The following PPL variants were observed in gnomAD, a reference collection of about 807,000 sequenced individuals.
PPL encodes the protein periplakin, also known as 190 kDa paraneoplastic pemphigus antigen.
Under a neutral mutation model 194.4 loss-of-function variants are expected in PPL, and 198 were observed. The observed-to-expected ratio is 1.02, with a 90% CI of 0.91 to 1.15. The LOEUF is 1.15. PPL is among the 50% of genes most tolerant of loss of function. The pLI, the probability that PPL is intolerant of heterozygous loss-of-function variation, is 0.00. For synonymous variants in PPL, 1,220 were observed against 972.4 expected (o/e 1.25, Z -4.74); for missense variants, 2,885 against 2,294.8 (o/e 1.26, Z -5.25).
intron 16 of PPL, chr16:4,891,542 T>A (rs559835886): frequency 1.2e-4 from 44 of 364,058 alleles, no homozygotes; most frequent in Middle Eastern, 1.4e-3. Context: ...GCCTCCTGAA[T>A]GGCTGGTGTT....
chr16:4,893,725 G>A, intron 12 of PPL, 87 bp from the exon 13 acceptor site: 1 of 1,159,818 alleles, frequency 8.6e-7, no homozygotes, highest in Non-Finnish European at 1.2e-6. Context: ...TGGCTGGGCA[G>A]ACACCCCAGA....
In PPL at chr16:4,888,232, A is replaced by G. The variant is rs755934910; in HGVS notation, c.2398-14T>C. ...TAACTCATAGTCCTGCATGAGGGAG[A>G]GACATGGCAGAGGGGAGATTAAAAC... On this transcript the variant is annotated splice_polypyrimidine_tract_variant and intron_variant, in intron 19 of 21. Coordinates refer to ENST00000345988, the MANE Select transcript of PPL (RefSeq NM_002705.5). The G allele has an allele frequency of 5.2e-6, 8 of 1,551,600 alleles. No individual in the cohort carries two copies. Among genetic ancestry groups the G allele is most frequent in the African/African-American group, 1.4e-5 (1 of 73,798 alleles).
intron 1 of PPL, among the ~76,000 whole-genome samples, chr16:4,927,870 C>G (rs1032749537): frequency 2.0e-5 from 3 of 152,202 alleles, no homozygotes; most frequent in Non-Finnish European, 4.4e-5. Context: ...GAAGTTCAAG[C>G]TGCTTCAGGT....
In PPL at chr16:4,883,851, C is replaced by G; in HGVS notation, c.4804G>C (p.Ala1602Pro). ...GAGTCATGGTTGGTCCCAGAGTCCGCCACGGTCATGTTCCGCAGGTCTCGT... is the reference window on the plus strand; with the variant it reads ...GAGTCATGGTTGGTCCCAGAGTCCGGCACGGTCATGTTCCGCAGGTCTCGT... ...ETRDLRNMTV[A>P]DSGTNHDSRL... Residue 1602 changes from alanine (A) to proline (P), a missense_variant, in exon 22 of 22, where the codon GCG becomes CCG. Transcript: ENST00000345988. The surrounding 1 kb of genome is among the most constrained non-coding windows in gnomAD (Gnocchi z 4.8). The G allele has an allele frequency of 5.0e-6, 8 of 1,614,082 alleles. No homozygotes were observed. The highest frequency in any genetic ancestry group is 6.8e-6 in the Non-Finnish European group (8 of 1,180,040).
rs779528908 is a variant in PPL at position 4,899,069 on chromosome 16, G to A, written c.820C>T (p.His274Tyr). The change falls in exon 8 of 22, where the codon CAC becomes TAC. Residue 274 changes from histidine (H) to tyrosine (Y), a missense_variant. Transcript: ENST00000345988. Reference sequence around the variant, plus strand: ...GCCAGCAGCTGGTCGCCCTCGCTGTGCAGTTTGTTGATTCTCTCCTCTTTG... The same window carrying A: ...GCCAGCAGCTGGTCGCCCTCGCTGTACAGTTTGTTGATTCTCTCCTCTTTG... ...EAKEERINKL[H>Y]SEGDQLLAAE... The A allele has an allele frequency of 1.2e-6, 2 of 1,613,302 alleles. No homozygotes were observed. The highest frequency in any genetic ancestry group is 1.7e-5 in the Admixed American group (1 of 60,016).
At chr16:4,892,925 G>A (rs536186316) in intron 14 of PPL, 10 of 365,116 alleles carry the variant, frequency 2.7e-5, no homozygotes, top group African/African-American at 1.7e-4. Flanking sequence ...CAAGCCAGCC[G>A]GTGACCCAGT....
At chr16:4,916,487 C>T (rs981854919) in intron 1 of PPL, among the ~76,000 whole-genome samples, 2 of 151,682 alleles carry the variant, frequency 1.3e-5, no homozygotes, top group African/African-American at 4.8e-5. Flanking sequence ...GCTGGGATTA[C>T]AGGTGTGAGC....
intron 2 of PPL, 49 bp downstream of exon 2, chr16:4,910,801 G>T: frequency 6.8e-7 from 1 of 1,477,212 alleles, no homozygotes; most frequent in Non-Finnish European, 9.5e-7. Flanking sequence ...TCCTGAACAG[G>T]GCTGGCAGCA....
intron 1 of PPL, among the ~76,000 whole-genome samples, chr16:4,924,668 G>A (rs2089122621): frequency 6.6e-6 from 1 of 152,106 alleles, no homozygotes; most frequent in South Asian, 2.1e-4. Flanking sequence ...GCTCCCCACT[G>A]TGCCCACTGG....
Position 4,893,317 on chromosome 16 carries a change from T to C in PPL, c.1546A>G (p.Ser516Gly). ...QLLAGLDKVA[S>G]DLDRQEKAIT... ...GCCTTCTCCTGCCGGTCCAGGTCGCTGGCCACCTTGTCCAAGCCAGCCAGC... is the reference window on the plus strand; with the variant it reads ...GCCTTCTCCTGCCGGTCCAGGTCGCCGGCCACCTTGTCCAAGCCAGCCAGC... The change falls in exon 14 of 22, where the codon AGC becomes GGC. Residue 516 changes from serine to glycine, a missense_variant. Coordinates refer to ENST00000345988, the MANE Select transcript of PPL (RefSeq NM_002705.5). 1 of 1,608,346 alleles carries C rather than the reference T, an allele frequency of 6.2e-7. No homozygotes were observed. The highest frequency in any genetic ancestry group is 1.1e-5 in the South Asian group (1 of 90,778).
Position 4,884,118 on chromosome 16 carries a change from C to A in PPL, c.4537G>T (p.Glu1513Ter). Residue 1513 changes from glutamate to a stop codon, truncating the protein, a stop_gained, in exon 22 of 22, where the codon GAG (glutamate) becomes TAG (stop). Coordinates refer to ENST00000345988, the MANE Select transcript of PPL (RefSeq NM_002705.5). LOFTEE classifies it high-confidence loss of function. The surrounding 1 kb of genome is among the most constrained non-coding windows in gnomAD (Gnocchi z 5.7). ...ESVQVEKGDT[E>*]QEIQRLKSSL... ...CTCTTGAGCCTCTGGATCTCTTGCT[C>A]GGTGTCGCCCTTCTCCACCTGGACA... 10 of 1,613,430 alleles carry A rather than the reference C, an allele frequency of 6.2e-6. No homozygotes were observed. Among genetic ancestry groups the A allele is most frequent in the South Asian group, 1.1e-5 (1 of 91,068 alleles).
rs545647606 is a variant in PPL, at chr16:4,909,513, G to A, written c.162+1337C>T. On this transcript the variant is annotated intron_variant, in intron 2 of 21. Coordinates refer to ENST00000345988, the MANE Select transcript of PPL (RefSeq NM_002705.5). ...ACGATCTTGGCTCACTGCAACCTCC[G>A]CCTCCCGGGTTCAAGCGATTCTCCT... 1.2e-4 allele frequency among the ~76,000 whole-genome samples: 17 copies of A among 141,724 alleles called. No homozygotes were observed. The East Asian group carries it at 3.3e-3, about 27-fold the overall frequency. The allele number at this position is 141,724 out of a possible 152,430, so 93.0% of individuals were successfully genotyped here.
intron 1 of PPL, among the ~76,000 whole-genome samples, chr16:4,932,826 C>T (rs993448268): frequency 1.3e-5 from 2 of 152,094 alleles, no homozygotes; most frequent in Non-Finnish European, 2.9e-5. Context: ...TGCATCCCCT[C>T]ATTTGATCTA....
intron 6 of PPL, 81 bp downstream of exon 6, chr16:4,900,749 C>T: frequency 1.3e-6 from 2 of 1,586,902 alleles, no homozygotes; most frequent in East Asian, 2.2e-5. Context: ...ATTTTTAAAA[C>T]AATACATCCT....
In PPL at chr16:4,883,591, G is replaced by T; in HGVS notation, c.5064C>A (p.Leu1688=). The change falls in exon 22 of 22, where the codon CTC becomes CTA. Residue 1688 remains leucine, a synonymous_variant. Transcript: ENST00000345988. The surrounding 1 kb of genome is among the most constrained non-coding windows in gnomAD (Gnocchi z 4.8). ...GLIDWNMFVK[L]RSQECDWEEI... ...CCTCCCAGTCGCACTCCTGGCTTCT[G>T]AGTTTCACGAACATGTTCCAGTCAA... 1.2e-6 allele frequency: 2 copies of T among 1,614,164 alleles called. No individual in the cohort carries two copies. Among genetic ancestry groups the T allele is most frequent in the South Asian group, 2.2e-5 (2 of 91,076 alleles).
chr16:4,904,648 A>G (rs545721067), intron 2 of PPL, among the ~76,000 whole-genome samples: 1 of 152,172 alleles, frequency 6.6e-6, no homozygotes, highest in Non-Finnish European at 1.5e-5. Context: ...GCCATAGTGA[A>G]AAGGTCTCTG....
rs779849864 is a variant in PPL, at chr16:4,884,565, G to C, written c.4090C>G (p.Leu1364Val). The C allele has an allele frequency of 6.2e-7, 1 of 1,613,968 alleles. No homozygotes were observed. Among genetic ancestry groups the C allele is most frequent in the Non-Finnish European group, 8.5e-7 (1 of 1,180,006 alleles). The change falls in exon 22 of 22, where the codon CTG becomes GTG. Residue 1364 changes from leucine to valine, a missense_variant. Coordinates refer to ENST00000345988, the MANE Select transcript of PPL (RefSeq NM_002705.5). This position sits in a 1 kb window ranked among gnomAD's most constrained non-coding sequence, Gnocchi z 5.7. The stretch of plus-strand genomic sequence containing the variant: ...GCAAAGGCGCTCGCCTCGGCCCGCA[G>C]GCCTGGCTCCTCCTCATACCTGACC... ...EVVRYEEEPG[L>V]RAEASAFAES...
chr16:4,891,285 T>C (rs1037142999), intron 16 of PPL, among the ~76,000 whole-genome samples: 1 of 152,006 alleles, frequency 6.6e-6, no homozygotes, highest in Non-Finnish European at 1.5e-5. Flanking sequence ...GCTCAGGCAG[T>C]GTGGGAAGGG....
chr16:4,932,357 G>A (rs961781618), intron 1 of PPL, among the ~76,000 whole-genome samples: 5 of 151,644 alleles, frequency 3.3e-5, no homozygotes, highest in Non-Finnish European at 4.4e-5. Flanking sequence ...GTGCATGTGC[G>A]TGTCTGCTTG....
Sources: allele counts gnomAD v4.1 joint callset (sites outside exome capture counted in the v4.1 genomes callset), GRCh38; gene constraint gnomAD v4.1.1; non-coding constraint Gnocchi (gnomAD v3.1); transcripts MANE v1.5; gene names NCBI Gene and HGNC (gene_info 2026-07-23, HGNC 2026-07-21).